The following TTL variants were observed in gnomAD, a reference collection of about 807,000 sequenced individuals.
The protein encoded by TTL is tubulin--tyrosine ligase.
In TTL, 10 loss-of-function variants were observed where a neutral mutation model predicts 41.1. That is an observed-to-expected ratio of 0.24 (90% CI 0.15 to 0.41). The LOEUF is 0.41. Ranked by LOEUF, TTL falls within the 10% of genes least tolerant of loss-of-function variation. The pLI, the probability that TTL is intolerant of heterozygous loss-of-function variation, is 1.00. For synonymous variants in TTL, 175 were observed against 175.5 expected (o/e 1.00, Z 0.02); for missense variants, 367 against 460.4 (o/e 0.80, Z 1.86).
chr2:112,491,474 G>A (rs755083397), intron 2 of TTL, among the ~76,000 whole-genome samples: 1 of 152,124 alleles, frequency 6.6e-6, no homozygotes, highest in Non-Finnish European at 1.5e-5. Flanking sequence ...TGTTAGAAAG[G>A]TTTTGTAGTC....
At chr2:112,520,560 T>C (rs1682196831) in intron 6 of TTL, 135 bp downstream of exon 6, 2 of 1,241,738 alleles carry the variant, frequency 1.6e-6, no homozygotes, top group Non-Finnish European at 1.1e-6. Flanking sequence ...TTGGGAGGAC[T>C]CTATCTGGCA....
chr2:112,491,125 G>A lies in TTL; in HGVS notation c.237-3018G>A, dbSNP rs188192757. Among the ~76,000 whole-genome samples the A allele has an allele frequency of 5.8e-3, 889 of 152,234 alleles. 17 individuals are homozygous for A. Among genetic ancestry groups the A allele is most frequent in the Middle Eastern group, 0.054 (16 of 294 alleles). On this transcript the variant is annotated intron_variant, in intron 2 of 6. Coordinates refer to ENST00000233336, the MANE Select transcript of TTL (RefSeq NM_153712.5). Reference sequence around the variant, plus strand: ...TCCTGCCTCAGCATCCCGAGTAGCTGGGACTACAGGCAACTGCCACCACAC... The same window carrying A: ...TCCTGCCTCAGCATCCCGAGTAGCTAGGACTACAGGCAACTGCCACCACAC...
rs1298785742 is a variant in TTL at position 112,535,718 on chromosome 2, A to G, written c.*6923A>G. 7.5e-6 allele frequency: 1 copy of G among 133,840 alleles called. No individual in the cohort carries two copies. The highest frequency in any genetic ancestry group is 8.2e-5 in the Admixed American group (1 of 12,200). 8.3% of individuals were successfully genotyped at this position (133,840 alleles called of 1,614,324 possible). ...AAATGCAAATGAATTAAATACTCCA[A>G]TCAGAAGGTAGAGATTGGCAAATTG... is the stretch of plus-strand genomic sequence containing the variant. On this transcript the variant is annotated 3_prime_UTR_variant, in exon 7 of 7. Transcript: ENST00000233336.
intron 6 of TTL, among the ~76,000 whole-genome samples, chr2:112,528,380 G>A (rs1682416330): frequency 6.6e-6 from 1 of 152,160 alleles, no homozygotes. Flanking sequence ...TGAGAGGGTT[G>A]CTTGAGCTCA....
chr2:112,528,068 T>C (rs1222522572), intron 6 of TTL, among the ~76,000 whole-genome samples: 1 of 152,214 alleles, frequency 6.6e-6, no homozygotes, highest in Non-Finnish European at 1.5e-5. Context: ...TCCTTTACTT[T>C]TGAAGCTTAG....
chr2:112,528,861 T>A lies in TTL; in HGVS notation c.*66T>A. On this transcript the variant is annotated 3_prime_UTR_variant, in exon 7 of 7. Transcript: ENST00000233336. Reference sequence around the variant, plus strand: ...CTGCTCCAGGGAATGGTGAAATGACTGGATTGCTCTTTATCCAGCCCACAG... The same window carrying A: ...CTGCTCCAGGGAATGGTGAAATGACAGGATTGCTCTTTATCCAGCCCACAG... 1 of 1,281,736 alleles carries A rather than the reference T, an allele frequency of 7.8e-7. No individual in the cohort carries two copies. Among genetic ancestry groups the A allele is most frequent in the Non-Finnish European group, 1.1e-6 (1 of 878,192 alleles). The allele number at this position is 1,281,736 out of a possible 1,614,324, so 79.4% of individuals were successfully genotyped here.
chr2:112,509,535 C>G (rs149223098), intron 5 of TTL, among the ~76,000 whole-genome samples: 3 of 152,308 alleles, frequency 2.0e-5, no homozygotes, highest in African/African-American at 7.2e-5. Flanking sequence ...TTTCTTAAGC[C>G]GGTCTGAAAA....
Position 112,532,200 on chromosome 2 carries a change from G to C in TTL, c.*3405G>C, listed in dbSNP as rs758004601. On this transcript the variant is annotated 3_prime_UTR_variant, in exon 7 of 7. Transcript: ENST00000233336. ...AAGGGGAGGTCCAGCCCTCTTGCAA[G>C]TGTGGTGAGAGGCTCTACTAGCAAA... 1.3e-5 allele frequency: 3 copies of C among 227,100 alleles called. No homozygotes were observed. Among genetic ancestry groups the C allele is most frequent in the Non-Finnish European group, 1.7e-5 (2 of 114,302 alleles). 14.1% of individuals were successfully genotyped at this position (227,100 alleles called of 1,614,324 possible). A position where few individuals can be genotyped will look rare whatever the true frequency, so the allele number is the denominator to read the frequency against.
At chr2:112,519,663 A>C (rs1404500654) in intron 5 of TTL, among the ~76,000 whole-genome samples, 1 of 151,544 alleles carries the variant, frequency 6.6e-6, no homozygotes, top group Non-Finnish European at 1.5e-5. Flanking sequence ...ACATGGCAGC[A>C]GCCCAGCTGT....
chr2:112,503,323 T>C (rs1681749884), intron 5 of TTL, 142 bp downstream of exon 5: 3 of 655,866 alleles, frequency 4.6e-6, no homozygotes, highest in South Asian at 2.0e-5. Context: ...TTCCTTTTAA[T>C]GTCTGCAGGT....
At chr2:112,523,693 T>C (rs1373477851) in intron 6 of TTL, among the ~76,000 whole-genome samples, 1 of 152,224 alleles carries the variant, frequency 6.6e-6, no homozygotes, top group African/African-American at 2.4e-5. Context: ...TGCAAGGCCT[T>C]CCATAAGTAT....
intron 3 of TTL, among the ~76,000 whole-genome samples, chr2:112,499,857 T>C (rs1336249268): frequency 6.6e-6 from 1 of 152,152 alleles, no homozygotes; most frequent in Non-Finnish European, 1.5e-5. Flanking sequence ...AATTAGCCAA[T>C]GTGGTGTCAC....
At chr2:112,516,000 G>A (rs1272032565) in intron 5 of TTL, among the ~76,000 whole-genome samples, 10 of 142,976 alleles carry the variant, frequency 7.0e-5, no homozygotes, top group African/African-American at 2.7e-4. Flanking sequence ...ATAAATAAAT[G>A]CCCTGCCAAA....
rs1478921965 is a variant in TTL, at chr2:112,530,918, T to C, written c.*2123T>C. 1 of 177,864 alleles carries C rather than the reference T, an allele frequency of 5.6e-6. No individual in the cohort carries two copies. Among genetic ancestry groups the C allele is most frequent in the East Asian group, 9.8e-5 (1 of 10,228 alleles). The allele number at this position is 177,864 out of a possible 1,614,324, so 11.0% of individuals were successfully genotyped here. A position where few individuals can be genotyped will look rare whatever the true frequency, so the allele number is the denominator to read the frequency against. Reference sequence around the variant, plus strand: ...TTTTTAAAAAATATTTTTTAAATTTTTAAAATTTGATTTTAAATTTCAAAT... The same window carrying C: ...TTTTTAAAAAATATTTTTTAAATTTCTAAAATTTGATTTTAAATTTCAAAT... On this transcript the variant is annotated 3_prime_UTR_variant, in exon 7 of 7. Coordinates refer to ENST00000233336, the MANE Select transcript of TTL (RefSeq NM_153712.5).
intron 2 of TTL, among the ~76,000 whole-genome samples, chr2:112,489,025 T>G (rs1344218170): frequency 6.6e-6 from 1 of 152,082 alleles, no homozygotes; most frequent in African/African-American, 2.4e-5. Flanking sequence ...AGGTGGAGAT[T>G]GCAGTGAGCT....
At position 112,520,437 on chromosome 2, in the gene TTL, C is replaced by G; in HGVS notation, c.1019+12C>G. 6.2e-7 allele frequency: 1 copy of G among 1,610,990 alleles called. No individual in the cohort carries two copies. ...CCTGCATGTGCTCAGTAAGCCTGCA[C>G]GTCATTGTGTTTTTACAAGTGGGAA... On this transcript the variant is annotated intron_variant, in intron 6 of 6. Transcript: ENST00000233336.
At chr2:112,524,680 T>G (rs1419235293) in intron 6 of TTL, among the ~76,000 whole-genome samples, 1 of 152,362 alleles carries the variant, frequency 6.6e-6, no homozygotes, top group African/African-American at 2.4e-5. Context: ...TCTTTGTAGA[T>G]TCTGGATATC....
chr2:112,488,332 T>C (rs910140221), intron 2 of TTL, among the ~76,000 whole-genome samples: 13 of 152,252 alleles, frequency 8.5e-5, no homozygotes, highest in Non-Finnish European at 1.2e-4. Context: ...GAGCCTGGTC[T>C]TGGTTCTGTG....
intron 3 of TTL, among the ~76,000 whole-genome samples, chr2:112,500,721 T>C: frequency 6.6e-6 from 1 of 152,290 alleles, no homozygotes; most frequent in Non-Finnish European, 1.5e-5. Flanking sequence ...AAAGGATATA[T>C]CAATTATTTA....
Sources: allele counts gnomAD v4.1 joint callset (sites outside exome capture counted in the v4.1 genomes callset), GRCh38; gene constraint gnomAD v4.1.1; transcripts MANE v1.5; gene names NCBI Gene and HGNC (gene_info 2026-07-23, HGNC 2026-07-21).